ACADM: variants seen among roughly 807,000 people sequenced by gnomAD.
ACADM encodes the protein medium-chain specific acyl-CoA dehydrogenase, mitochondrial.
ACADM carries 49 observed loss-of-function variants against 58.9 expected under a neutral mutation model. That is an observed-to-expected ratio of 0.83 (90% CI 0.66 to 1.06). The LOEUF (loss-of-function observed/expected upper bound fraction) is 1.06, where lower values mean the gene tolerates loss of function less well. Among genes scored for constraint, ACADM ranks in the 50% least tolerant of loss-of-function variants. The pLI is 0.00. For missense variants in ACADM, 496 were observed against 507.0 expected (o/e 0.98, Z 0.21); for synonymous variants, 160 against 157.7 (o/e 1.01, Z -0.11).
chr1:75,762,558 A>C (rs922853347), intron 11 of ACADM, 134 bp from the exon 12 acceptor site: 3 of 510,626 alleles, frequency 5.9e-6, no homozygotes, highest in African/African-American at 3.9e-5. Context: ...GAATCTGTAG[A>C]GGCTACAGAC....
Position 75,729,085 on chromosome 1 carries a change from T to TA in ACADM, c.118+598dup, listed in dbSNP as rs1272441552. Among the ~76,000 whole-genome samples, 8 of 152,102 alleles carry TA rather than the reference T, an allele frequency of 5.3e-5. No homozygotes were observed. In the East Asian group the frequency reaches 1.5e-3, roughly 29 times the overall value. On this transcript the variant is annotated intron_variant, in intron 2 of 11. Coordinates refer to ENST00000370841, the MANE Select transcript of ACADM (RefSeq NM_000016.6). ...ATTTTTTCTCTAGTTAAAAACCATT[T>TA]ACTCAATTTATTTGGTCTCAGAAAA...
intron 4 of ACADM, chr1:75,733,202 T>C: frequency 1.9e-6 from 3 of 1,599,052 alleles, no homozygotes; most frequent in South Asian, 2.3e-5. Context: ...TCCTATCTTC[T>C]ATATTACATT....
In ACADM at chr1:75,732,367, T is replaced by C. The variant is rs555116393; in HGVS notation, c.119-277T>C. Reference sequence around the variant, plus strand: ...AGTTAAACGTTTTTTATATCACCAATTGGAAAAGAAAAACTCACTTGAGCT... The same window carrying C: ...AGTTAAACGTTTTTTATATCACCAACTGGAAAAGAAAAACTCACTTGAGCT... On this transcript the variant is annotated intron_variant, in intron 2 of 11. Transcript: ENST00000370841. 5.1e-5 allele frequency: 18 copies of C among 352,374 alleles called. 1 individual carries two copies. In the South Asian group the frequency reaches 7.1e-4, roughly 14 times the overall value. 21.8% of individuals were successfully genotyped at this position (352,374 alleles called of 1,614,324 possible). A position where few individuals can be genotyped will look rare whatever the true frequency, so the allele number is the denominator to read the frequency against.
At chr1:75,760,423 GA>G (rs1323288013) in intron 10 of ACADM, among the ~76,000 whole-genome samples, 26 of 137,846 alleles carry the variant, frequency 1.9e-4, no homozygotes, top group East Asian at 4.2e-4. Flanking sequence ...CTTTGTCTCA[GA>G]AAAAAAAAAA....
At chr1:75,729,321 G>C (rs1570853579) in intron 2 of ACADM, among the ~76,000 whole-genome samples, 1 of 111,980 alleles carries the variant, frequency 8.9e-6, no homozygotes, top group African/African-American at 3.6e-5. Flanking sequence ...TTAAGATGAG[G>C]TTTCATTGTC....
At chr1:75,755,309 C>T (rs1240570906) in intron 10 of ACADM, among the ~76,000 whole-genome samples, 4 of 152,222 alleles carry the variant, frequency 2.6e-5, no homozygotes, top group African/African-American at 4.8e-5. Context: ...CAGACTGCCT[C>T]CTCAAGTGGG....
intron 8 of ACADM, among the ~76,000 whole-genome samples, chr1:75,748,982 G>T (rs1218529563): frequency 6.6e-6 from 1 of 152,196 alleles, no homozygotes; most frequent in Non-Finnish European, 1.5e-5. Context: ...ATCAGATTGT[G>T]TTTACTAAAT....
chr1:75,743,792 C>T (rs1647723695), intron 7 of ACADM: 2 of 1,539,544 alleles, frequency 1.3e-6, no homozygotes, highest in Admixed American at 1.7e-5. Flanking sequence ...ATGACTGGAA[C>T]CACCAGACCC....
chr1:75,753,298 T>C (rs1648305334), intron 10 of ACADM, among the ~76,000 whole-genome samples: 1 of 152,158 alleles, frequency 6.6e-6, no homozygotes, highest in African/African-American at 2.4e-5. Context: ...AAAACTCTGG[T>C]TCCTATCCTG....
intron 10 of ACADM, among the ~76,000 whole-genome samples, chr1:75,759,709 T>G (rs1268071120): frequency 6.9e-6 from 1 of 145,170 alleles, no homozygotes; most frequent in Non-Finnish European, 1.5e-5. Context: ...TTGCCCAGGC[T>G]GGAGTGCAAT....
chr1:75,736,527 G>A (rs1489595777), intron 6 of ACADM, among the ~76,000 whole-genome samples: 1 of 152,016 alleles, frequency 6.6e-6, no homozygotes, highest in East Asian at 1.9e-4. Flanking sequence ...CGTCTAGATT[G>A]TTCTCCTGTA....
At chr1:75,760,264 C>CAAAAAAAAAAAAAAA (rs764807575) in intron 10 of ACADM, among the ~76,000 whole-genome samples, 1 of 51,192 alleles carries the variant, frequency 2.0e-5, no homozygotes, top group Non-Finnish European at 3.7e-5. Context: ...ACTAAAAATA[C>CAAAAAAAAAAAAAAA]AAAAAAAAAA....
rs2100362712 is a variant in ACADM, at chr1:75,732,691, GC to G, written c.168del (p.Arg57GlufsTer21). 1 of 1,614,046 alleles carries G rather than the reference GC, an allele frequency of 6.2e-7. No individual in the cohort carries two copies. The highest frequency in any genetic ancestry group is 8.5e-7 in the Non-Finnish European group (1 of 1,179,980). On this transcript the variant is annotated frameshift_variant, in exon 3 of 12. Transcript: ENST00000370841. LOFTEE classifies it high-confidence loss of function. ...KEFQATARKF[A>X]REEIIPVAAE... ...ATTTCAAGCTACTGCTCGTAAATTT[GC>G]CAGAGAGGAAATCATCCCAGTGGCT... is the stretch of plus-strand genomic sequence containing the variant.
At chr1:75,745,601 T>G (rs957704503) in intron 7 of ACADM, 9 of 583,532 alleles carry the variant, frequency 1.5e-5, no homozygotes, top group Non-Finnish European at 3.1e-6. Flanking sequence ...GGGCCTACTG[T>G]GTTATTAAGA....
chr1:75,728,632 C>T (rs1176403011), intron 2 of ACADM, 144 bp downstream of exon 2: 3 of 638,404 alleles, frequency 4.7e-6, no homozygotes, highest in Non-Finnish European at 8.5e-6. Context: ...TTTACAATAA[C>T]TCACACTCCA....
intron 2 of ACADM, among the ~76,000 whole-genome samples, chr1:75,731,307 AGATTT>A (rs995073194): frequency 7.7e-6 from 1 of 129,270 alleles, no homozygotes; most frequent in Non-Finnish European, 1.6e-5. Flanking sequence ...AAAAAAAAAG[AGATTT>A]GATCTTATGC....
intron 2 of ACADM, among the ~76,000 whole-genome samples, chr1:75,731,160 TC>T (rs1647142186): frequency 6.6e-6 from 1 of 150,818 alleles, no homozygotes. Context: ...GCACCTGTAG[TC>T]CCAGCTGCTC....
At position 75,732,588 on chromosome 1, in the gene ACADM, A is replaced by G; in HGVS notation, c.119-56A>G. 5 of 1,330,828 alleles carry G rather than the reference A, an allele frequency of 3.8e-6. No individual in the cohort carries two copies. The South Asian group carries it at 4.7e-5, about 12-fold the overall frequency. The allele number at this position is 1,330,828 out of a possible 1,614,324, so 82.4% of individuals were successfully genotyped here. On this transcript the variant is annotated intron_variant, in intron 2 of 11. Coordinates refer to ENST00000370841, the MANE Select transcript of ACADM (RefSeq NM_000016.6). ...ATACACATTTCTACATACTGACTTCATAGGACATTTTTCCTTGTTATCCAG... is the reference window on the plus strand; with the variant it reads ...ATACACATTTCTACATACTGACTTCGTAGGACATTTTTCCTTGTTATCCAG...
intron 7 of ACADM, chr1:75,743,695 AT>A (rs1408373723): frequency 8.7e-6 from 13 of 1,489,274 alleles, no homozygotes; most frequent in African/African-American, 2.8e-5. Context: ...CATATCTTCA[AT>A]GGCAAATTCA....
Sources: allele counts gnomAD v4.1 joint callset (sites outside exome capture counted in the v4.1 genomes callset), GRCh38; gene constraint gnomAD v4.1.1; transcripts MANE v1.5; gene names NCBI Gene and HGNC (gene_info 2026-07-23, HGNC 2026-07-21).